Variants in PAM observed in about 807,000 individuals in gnomAD.
PAM encodes peptidylglycine alpha-amidating monooxygenase, also known as peptidyl-glycine alpha-amidating monooxygenase.
A neutral mutation model predicts 122.1 loss-of-function variants in PAM; 72 were observed. That is an observed-to-expected ratio of 0.59 (90% CI 0.49 to 0.72). PAM has a LOEUF of 0.72. Among genes scored for constraint, PAM ranks in the 30% least tolerant of loss-of-function variants. The pLI is 0.00. For synonymous variants in PAM, 389 were observed against 404.4 expected (o/e 0.96, Z 0.46); for missense variants, 1,106 against 1,183.7 (o/e 0.93, Z 0.96).
Position 102,977,897 on chromosome 5 carries a change from T to C in PAM, c.1483+3461T>C, listed in dbSNP as rs537574250. Reference sequence around the variant, plus strand: ...TTCACTGGGCTTTAGTTTTCTCATCTATAAAATGAGATTATAATAGTATAC... The same window carrying C: ...TTCACTGGGCTTTAGTTTTCTCATCCATAAAATGAGATTATAATAGTATAC... On this transcript the variant is annotated intron_variant, in intron 15 of 25. Transcript: ENST00000438793. Among the ~76,000 whole-genome samples the C allele has an allele frequency of 3.9e-5, 6 of 152,284 alleles. No homozygotes were observed. The East Asian group carries it at 1.2e-3, about 29-fold the overall frequency.
chr5:102,973,993 G>A lies in PAM; in HGVS notation c.1163-123G>A, dbSNP rs565601896. ...TTTTTCCTCCTATGCTTAAAAGTCT[G>A]AGTGCAAACTTCTCTCTTATTTATT... On this transcript the variant is annotated intron_variant, in intron 14 of 25. Transcript: ENST00000438793. The A allele has an allele frequency of 3.1e-5, 19 of 621,298 alleles. No homozygotes were observed. In the African/African-American group the frequency reaches 3.5e-4, roughly 11 times the overall value. 38.5% of individuals were successfully genotyped at this position (621,298 alleles called of 1,614,324 possible).
intron 1 of PAM, among the ~76,000 whole-genome samples, chr5:102,833,751 C>T (rs1561574537): frequency 6.6e-6 from 1 of 152,154 alleles, no homozygotes; most frequent in Non-Finnish European, 1.5e-5. Context: ...TTAGTTTCTT[C>T]ATGTTCCAAT....
chr5:102,989,332 C>G (rs1328889797), intron 15 of PAM, among the ~76,000 whole-genome samples: 2 of 152,046 alleles, frequency 1.3e-5, no homozygotes, highest in African/African-American at 4.8e-5. Flanking sequence ...AGTGAGATGC[C>G]ATCTCTCGAA....
chr5:102,832,872 A>T (rs1452975964), intron 1 of PAM, among the ~76,000 whole-genome samples: 1 of 152,172 alleles, frequency 6.6e-6, no homozygotes, highest in East Asian at 1.9e-4. Flanking sequence ...TGAGGCAGAC[A>T]GTCCTGGTTT....
At chr5:103,020,062 C>G (rs1301924914) in intron 23 of PAM, among the ~76,000 whole-genome samples, 2 of 151,836 alleles carry the variant, frequency 1.3e-5, no homozygotes, top group Non-Finnish European at 2.9e-5. Flanking sequence ...TTACTGATTT[C>G]AAGTGATAGA....
intron 7 of PAM, among the ~76,000 whole-genome samples, chr5:102,927,262 A>G (rs1225335937): frequency 1.3e-5 from 2 of 152,136 alleles, no homozygotes; most frequent in African/African-American, 2.4e-5. Flanking sequence ...CCCTTTCCTT[A>G]CTATAGATCG....
chr5:102,812,988 T>A (rs1020815750), intron 1 of PAM, among the ~76,000 whole-genome samples: 2 of 152,004 alleles, frequency 1.3e-5, no homozygotes, highest in African/African-American at 2.4e-5. Flanking sequence ...TGAATATTTT[T>A]AAAAAGTATA....
At chr5:102,792,431 CA>C (rs1762275136) in intron 1 of PAM, among the ~76,000 whole-genome samples, 1 of 152,180 alleles carries the variant, frequency 6.6e-6, no homozygotes, top group South Asian at 2.1e-4. Flanking sequence ...GTATAAAAAG[CA>C]GGTAGCAATT....
At chr5:102,780,016 G>A (rs1350017657) in intron 1 of PAM, among the ~76,000 whole-genome samples, 1 of 150,494 alleles carries the variant, frequency 6.6e-6, no homozygotes, top group Admixed American at 6.7e-5. Context: ...AAAATTTGGA[G>A]AGTTCCAGAA....
chr5:102,933,203 T>G (rs1298328884), intron 7 of PAM, among the ~76,000 whole-genome samples: 1 of 152,238 alleles, frequency 6.6e-6, no homozygotes, highest in Non-Finnish European at 1.5e-5. Context: ...TTCTTCCTGT[T>G]CTAAATTTAT....
chr5:102,853,392 G>A (rs1261690694), intron 1 of PAM, among the ~76,000 whole-genome samples: 3 of 152,046 alleles, frequency 2.0e-5, no homozygotes, highest in African/African-American at 7.2e-5. Context: ...TTTTTTCCCT[G>A]ACTCTTCAAA....
chr5:102,891,009 G>T (rs758329548), intron 3 of PAM, among the ~76,000 whole-genome samples: 2 of 151,758 alleles, frequency 1.3e-5, no homozygotes, highest in Non-Finnish European at 2.9e-5. Context: ...TTGCAAAATT[G>T]CAGTGGGATA....
chr5:102,924,881 C>A, intron 5 of PAM, 76 bp from the exon 6 acceptor site: 1 of 796,610 alleles, frequency 1.3e-6, no homozygotes, highest in Non-Finnish European at 2.3e-6. Context: ...CTTCCCCCAT[C>A]ACCTCCCACC....
chr5:102,873,104 GA>G (rs1440675662), intron 3 of PAM, among the ~76,000 whole-genome samples: 1 of 151,916 alleles, frequency 6.6e-6, no homozygotes, highest in Non-Finnish European at 1.5e-5. Flanking sequence ...AAGGACTCCA[GA>G]AAAAAATGAT....
chr5:102,818,471 C>T (rs562094557), intron 1 of PAM, among the ~76,000 whole-genome samples: 1 of 151,924 alleles, frequency 6.6e-6, no homozygotes, highest in African/African-American at 2.4e-5. Context: ...CCTATTCTGC[C>T]CTTTACAGAC....
At chr5:103,012,566 T>A (rs1780916225) in intron 21 of PAM, among the ~76,000 whole-genome samples, 1 of 152,040 alleles carries the variant, frequency 6.6e-6, no homozygotes, top group Non-Finnish European at 1.5e-5. Flanking sequence ...GAAAAATGAG[T>A]TCACTGGGCC....
intron 1 of PAM, among the ~76,000 whole-genome samples, chr5:102,824,825 A>G (rs903927869): frequency 5.9e-5 from 9 of 152,194 alleles, no homozygotes; most frequent in Non-Finnish European, 1.3e-4. Flanking sequence ...TTTCTAAAAT[A>G]AGGACTCACT....
chr5:102,889,708 A>G (rs1458141461), intron 3 of PAM, among the ~76,000 whole-genome samples: 1 of 151,748 alleles, frequency 6.6e-6, no homozygotes, highest in East Asian at 2.0e-4. Context: ...ACTCTGCATG[A>G]TCTTGTTAGG....
chr5:103,010,724 G>C lies in PAM; in HGVS notation c.2331+858G>C, dbSNP rs529445441. Among the ~76,000 whole-genome samples the C allele has an allele frequency of 7.9e-5, 12 of 152,054 alleles. 1 individual carries two copies. The highest frequency in any genetic ancestry group is 2.9e-4 in the African/African-American group (12 of 41,492). ...ATGTTATTTTTAAGATACCAGATTT[G>C]CTAATTTAAAAAACTTTAAAATGCC... On this transcript the variant is annotated intron_variant, in intron 21 of 25. Coordinates refer to ENST00000438793, the MANE Select transcript of PAM (RefSeq NM_001177306.2).
Sources: gnomAD v4.1 joint callset for allele counts (sites outside exome capture counted in the v4.1 genomes callset) on GRCh38, gnomAD v4.1.1 for gene constraint, MANE v1.5 for transcripts, NCBI Gene and HGNC (gene_info 2026-07-23, HGNC 2026-07-21) for gene names.